Variants in PRCC observed in about 807,000 individuals in gnomAD.
PRCC encodes proline rich mitotic checkpoint control factor, also known as proline-rich protein PRCC.
Under a neutral mutation model 44.0 loss-of-function variants are expected in PRCC, and 10 were observed. The ratio of observed to expected loss-of-function variants is 0.23; its 90% CI spans 0.14 to 0.39. PRCC has a LOEUF of 0.39. PRCC is among the 10% of genes least tolerant of loss of function. The probability of loss-of-function intolerance (pLI) is 1.00; values close to 1 mark genes in which losing one functional copy is unlikely to be tolerated. For missense variants in PRCC, 573 were observed against 624.7 expected, an observed-to-expected ratio of 0.92 and a Z score of 0.88; for synonymous variants, 278 against 259.5, an observed-to-expected ratio of 1.07 and a Z score of -0.69.
intron 1 of PRCC, 86 bp downstream of exon 1, chr1:156,768,325 T>G (rs1651496828): frequency 1.5e-6 from 2 of 1,334,888 alleles, no homozygotes; most frequent in Non-Finnish European, 2.1e-6. Context: ...CAGAACTCCT[T>G]CCTACAAACG....
At chr1:156,782,630 G>A (rs1190441531) in intron 2 of PRCC, among the ~76,000 whole-genome samples, 1 of 152,054 alleles carries the variant, frequency 6.6e-6, no homozygotes, top group Non-Finnish European at 1.5e-5. Flanking sequence ...ATTTAGGGAG[G>A]GTAGAATAAG....
chr1:156,787,589 T>C (rs984326898), intron 3 of PRCC, among the ~76,000 whole-genome samples: 3 of 148,102 alleles, frequency 2.0e-5, no homozygotes, highest in African/African-American at 7.5e-5. Context: ...ACGGGTTTGG[T>C]GTACAGATTA....
chr1:156,770,842 G>GTAAT (rs1290983249), intron 1 of PRCC, among the ~76,000 whole-genome samples: 1 of 152,336 alleles, frequency 6.6e-6, no homozygotes, highest in Admixed American at 6.5e-5. Context: ...GTAATTAGAA[G>GTAAT]TAATTAACTC....
intron 3 of PRCC, among the ~76,000 whole-genome samples, chr1:156,788,178 C>A (rs901111371): frequency 1.3e-5 from 2 of 152,142 alleles, no homozygotes; most frequent in Non-Finnish European, 2.9e-5. Context: ...CTAAAGTAGG[C>A]CCTGGTGTCT....
chr1:156,775,989 C>T (rs1268785067), intron 1 of PRCC, among the ~76,000 whole-genome samples: 1 of 152,118 alleles, frequency 6.6e-6, no homozygotes, highest in African/African-American at 2.4e-5. Flanking sequence ...TTTTAGTGTT[C>T]TGTTTCAGGG....
rs202133272 is a variant in PRCC at position 156,767,961 on chromosome 1, C to T, written c.190C>T (p.Pro64Ser). Residue 64 changes from proline (P) to serine (S), a missense_variant, in exon 1 of 7, where the codon CCG becomes TCG. Physicochemically the swap from Pro to Ser is moderately conservative, Grantham distance 74 (BLOSUM62 -1). Coordinates refer to ENST00000271526, the MANE Select transcript of PRCC (RefSeq NM_005973.5). Reference protein sequence around the residue: ...PPQMLAPAFPPPLLLPPPTGD... With the variant: ...PPQMLAPAFPSPLLLPPPTGD... The stretch of plus-strand genomic sequence containing the variant: ...TCAGATGCTGGCGCCAGCCTTTCCC[C>T]CGCCGCTGTTGCTTCCCCCACCCAC... 6.3e-7 allele frequency: 1 copy of T among 1,586,802 alleles called. No individual in the cohort carries two copies. The highest frequency in any genetic ancestry group is 8.6e-7 in the Non-Finnish European group (1 of 1,166,646).
At chr1:156,774,937 C>G (rs1453456238) in intron 1 of PRCC, among the ~76,000 whole-genome samples, 83 of 121,280 alleles carry the variant, frequency 6.8e-4, no homozygotes, top group African/African-American at 2.5e-3. Flanking sequence ...GGTGACAGAG[C>G]AAGACTCTGT....
rs1408140129 is a variant in PRCC at position 156,790,352 on chromosome 1, G to GTGGC, written c.1084-1343_1084-1340dup. Among the ~76,000 whole-genome samples, 5 of 152,238 alleles carry GTGGC rather than the reference G, an allele frequency of 3.3e-5. No individual in the cohort carries two copies. In the East Asian group the frequency reaches 7.7e-4, roughly 23 times the overall value. On this transcript the variant is annotated intron_variant, in intron 3 of 6. Coordinates refer to ENST00000271526, the MANE Select transcript of PRCC (RefSeq NM_005973.5). The stretch of plus-strand genomic sequence containing the variant: ...GATGGAGGAAGATAGGCTGGGCGTG[G>GTGGC]TGGCTCACGCCTGCAATCCCAGCAC...
chr1:156,788,627 G>A (rs1396016143), intron 3 of PRCC, among the ~76,000 whole-genome samples: 5 of 148,952 alleles, frequency 3.4e-5, no homozygotes, highest in Non-Finnish European at 7.4e-5. Flanking sequence ...CAGTGTATAA[G>A]TGTTCTCGTT....
At chr1:156,775,650 A>G (rs1437200280) in intron 1 of PRCC, among the ~76,000 whole-genome samples, 1 of 151,758 alleles carries the variant, frequency 6.6e-6, no homozygotes, top group Non-Finnish European at 1.5e-5. Flanking sequence ...AGCTGGGACT[A>G]CCGGCACCCG....
intron 1 of PRCC, among the ~76,000 whole-genome samples, chr1:156,771,031 G>A (rs1476690180): frequency 6.6e-6 from 1 of 152,218 alleles, no homozygotes; most frequent in Non-Finnish European, 1.5e-5. Flanking sequence ...TGCCATTGGA[G>A]TATACCTAGT....
chr1:156,776,046 G>A (rs974564546), intron 1 of PRCC, among the ~76,000 whole-genome samples: 3 of 152,130 alleles, frequency 2.0e-5, no homozygotes, highest in African/African-American at 4.8e-5. Context: ...AATAGGGGTC[G>A]GTAGAAGTTT....
At chr1:156,776,657 A>G (rs1361775950) in intron 1 of PRCC, among the ~76,000 whole-genome samples, 1 of 152,204 alleles carries the variant, frequency 6.6e-6, no homozygotes, top group Admixed American at 6.5e-5. Flanking sequence ...AAAGGATCTG[A>G]AAAATAAGAA....
chr1:156,768,248 C>A lies in PRCC; in HGVS notation c.468+9C>A, dbSNP rs1382334643. 2 of 1,538,582 alleles carry A rather than the reference C, an allele frequency of 1.3e-6. No individual in the cohort carries two copies. The highest frequency in any genetic ancestry group is 2.0e-5 in the Admixed American group (1 of 51,010). On this transcript the variant is annotated intron_variant, in intron 1 of 6. Transcript: ENST00000271526. Reference sequence around the variant, plus strand: ...AGTTGCATAAGGGAGATGTGAGTATCCGGGGAAGGCACCCCCAAACTGTCC... The same window carrying A: ...AGTTGCATAAGGGAGATGTGAGTATACGGGGAAGGCACCCCCAAACTGTCC...
At chr1:156,769,338 A>C (rs1049776076) in intron 1 of PRCC, among the ~76,000 whole-genome samples, 1 of 151,848 alleles carries the variant, frequency 6.6e-6, no homozygotes, top group African/African-American at 2.4e-5. Context: ...CCTCCTCCCC[A>C]TTGCTCTTTG....
chr1:156,789,684 G>A (rs547061450), intron 3 of PRCC, among the ~76,000 whole-genome samples: 1 of 152,298 alleles, frequency 6.6e-6, no homozygotes, highest in East Asian at 1.9e-4. Flanking sequence ...ATCTCAAGCT[G>A]AGTTTGGGCA....
chr1:156,784,817 G>A (rs764058270), intron 2 of PRCC, among the ~76,000 whole-genome samples: 9 of 152,106 alleles, frequency 5.9e-5, no homozygotes, highest in African/African-American at 9.7e-5. Context: ...TAGGCCAAAC[G>A]GGCCTTTTAG....
chr1:156,786,494 T>C, intron 2 of PRCC, 114 bp from the exon 3 acceptor site: 1 of 1,092,440 alleles, frequency 9.2e-7, no homozygotes, highest in Non-Finnish European at 1.3e-6. Flanking sequence ...AAACAAGGGC[T>C]GGTAAGATTT....
At chr1:156,791,508 G>A (rs1026509851) in intron 3 of PRCC, 189 bp from the exon 4 acceptor site, 7 of 591,844 alleles carry the variant, frequency 1.2e-5, no homozygotes, top group African/African-American at 5.6e-5. Context: ...AAAAGCTGTA[G>A]GGACTGTTCT....
Sources: allele counts gnomAD v4.1 joint callset (sites outside exome capture counted in the v4.1 genomes callset), GRCh38; gene constraint gnomAD v4.1.1; transcripts MANE v1.5; gene names NCBI Gene and HGNC (gene_info 2026-07-23, HGNC 2026-07-21).